TNN: variants seen among roughly 807,000 people sequenced by gnomAD.
TNN encodes tenascin-N.
A neutral mutation model predicts 134.4 loss-of-function variants in TNN; 122 were observed. The observed-to-expected ratio is 0.91, with a 90% confidence interval of 0.78 to 1.06. The LOEUF (loss-of-function observed/expected upper bound fraction) is 1.06, where lower values mean the gene tolerates loss of function less well. TNN is among the 50% of genes least tolerant of loss of function. TNN has a pLI of 0.00. For missense variants in TNN, 1,739 were observed against 1,699.4 expected (o/e 1.02, Z -0.41); for synonymous variants, 710 against 670.3 (o/e 1.06, Z -0.91).
rs371404707 is a variant in TNN, at chr1:175,092,659, C to T, written c.1325-1331C>T. ...AGTCTTTGTTAGATAAGAATGAGTT[C>T]AAATCTTGGCTCTACCACTTAATGT... On this transcript the variant is annotated intron_variant, in intron 6 of 18. Coordinates refer to ENST00000239462, the MANE Select transcript of TNN (RefSeq NM_022093.2). 2.9e-4 allele frequency among the ~76,000 whole-genome samples: 44 copies of T among 152,262 alleles called. 1 individual carries two copies. Among genetic ancestry groups the T allele is most frequent in the African/African-American group, 1.1e-3 (44 of 41,548 alleles).
chr1:175,116,930 T>G lies in TNN; in HGVS notation c.2120-9T>G. On this transcript the variant is annotated splice_polypyrimidine_tract_variant and intron_variant, in intron 9 of 18. Coordinates refer to ENST00000239462, the MANE Select transcript of TNN (RefSeq NM_022093.2). ...ATAGTGTTCATTGATCAGCAATTTTTTTTTTCAGACATTGACAGCCCCCAA... is the reference window on the plus strand; with the variant it reads ...ATAGTGTTCATTGATCAGCAATTTTGTTTTTCAGACATTGACAGCCCCCAA... 1.2e-6 allele frequency: 2 copies of G among 1,614,244 alleles called. No homozygotes were observed. The highest frequency in any genetic ancestry group is 8.5e-7 in the Non-Finnish European group (1 of 1,180,040).
intron 1 of TNN, among the ~76,000 whole-genome samples, chr1:175,074,495 A>G (rs113840189): frequency 3.4e-4 from 19 of 55,232 alleles, no homozygotes; most frequent in South Asian, 5.0e-4. Flanking sequence ...AAAAAAAAAA[A>G]AAAAAAAAAA....
At chr1:175,117,474 C>T (rs1187810527) in intron 10 of TNN, among the ~76,000 whole-genome samples, 4 of 152,102 alleles carry the variant, frequency 2.6e-5, no homozygotes, top group Non-Finnish European at 5.9e-5. Flanking sequence ...TTGCTGTAGA[C>T]AGTATCGAGG....
In TNN at chr1:175,123,436, TG is replaced by T; in HGVS notation, c.2688del (p.Thr897ArgfsTer44). 6.2e-7 allele frequency: 1 copy of T among 1,614,162 alleles called. No individual in the cohort carries two copies. Among genetic ancestry groups the T allele is most frequent in the Non-Finnish European group, 8.5e-7 (1 of 1,180,034 alleles). On this transcript the variant is annotated frameshift_variant, in exon 12 of 19. Coordinates refer to ENST00000239462, the MANE Select transcript of TNN (RefSeq NM_022093.2). LOFTEE classifies it high-confidence loss of function. ...DGPKNLVTDW[V>X]TENMATVSWD... is the part of the protein sequence containing the mutation. ...CCCAAAAACCTAGTGACTGACTGGG[TG>T]ACGGAGAATATGGCCACTGTCTCCT...
intron 12 of TNN, among the ~76,000 whole-genome samples, chr1:175,124,553 T>A (rs955204676): frequency 6.6e-6 from 1 of 151,966 alleles, no homozygotes; most frequent in Non-Finnish European, 1.5e-5. Context: ...TGGTGGCAGG[T>A]GCCTGTAATC....
intron 1 of TNN, among the ~76,000 whole-genome samples, chr1:175,068,863 G>A (rs1673856097): frequency 6.6e-6 from 1 of 152,146 alleles, no homozygotes; most frequent in South Asian, 2.1e-4. Flanking sequence ...AGCCGAGATT[G>A]AACCATTGCA....
rs746166017 is a variant in TNN, at chr1:175,077,700, G to T, written c.282G>T (p.Thr94=). ...IIFRHNIRLQ[T]PQKDCELAGS... ...TCAGGCACAACATCCGCCTTCAGAC[G>T]CCACAGAAGGACTGCGAGTTGGCAG... Residue 94 remains threonine (T), a synonymous_variant, in exon 2 of 19, where the codon ACG becomes ACT. Coordinates refer to ENST00000239462, the MANE Select transcript of TNN (RefSeq NM_022093.2). The T allele has an allele frequency of 6.2e-7, 1 of 1,614,218 alleles. No homozygotes were observed. Among genetic ancestry groups the T allele is most frequent in the Non-Finnish European group, 8.5e-7 (1 of 1,180,036 alleles).
chr1:175,108,995 A>G (rs1674943760), intron 9 of TNN, among the ~76,000 whole-genome samples: 1 of 150,462 alleles, frequency 6.6e-6, no homozygotes. Context: ...GAGGGCTCTG[A>G]GGACTGCCAG....
chr1:175,097,420 T>C lies in TNN; in HGVS notation c.1592T>C (p.Ile531Thr). The C allele has an allele frequency of 1.9e-6, 3 of 1,614,174 alleles. No individual in the cohort carries two copies. The highest frequency in any genetic ancestry group is 1.7e-5 in the Admixed American group (1 of 60,020). The change falls in exon 8 of 19, where the codon ATT (isoleucine) becomes ACT (threonine). Residue 531 changes from isoleucine (I) to threonine (T), a missense_variant. Transcript: ENST00000239462. ...KKADTNALTE[I>T]DSPANLVTDR... ...TTCTTTCATCTCTCTCTTAAAGAAA[T>C]TGACAGCCCAGCAAACCTGGTGACT...
In TNN at chr1:175,141,413, A is replaced by C. The variant is rs916293173; in HGVS notation, c.3596-2974A>C. On this transcript the variant is annotated intron_variant, in intron 17 of 18. Coordinates refer to ENST00000239462, the MANE Select transcript of TNN (RefSeq NM_022093.2). ...GGATCCCAACCTGGGGGCATTTGGA[A>C]ATGTGACTGGGGAGCTCTGGAAGCA... is the stretch of plus-strand genomic sequence containing the variant. 7.9e-5 allele frequency among the ~76,000 whole-genome samples: 12 copies of C among 152,224 alleles called. 2 individuals carry two copies. Among genetic ancestry groups the C allele is most frequent in the Non-Finnish European group, 1.5e-5 (1 of 68,004 alleles).
rs1469668584 is a variant in TNN, at chr1:175,106,802, A to G, written c.2119+8207A>G. ...AACCCACGGCTCAGCCCAGAAGTAC[A>G]GGAAAAGCGGAAGCTGGTTCTAGGC... On this transcript the variant is annotated intron_variant, in intron 9 of 18. Transcript: ENST00000239462. Among the ~76,000 whole-genome samples the G allele has an allele frequency of 3.4e-5, 5 of 145,684 alleles. 2 individuals carry two copies. Among genetic ancestry groups the G allele is most frequent in the Non-Finnish European group, 6.1e-5 (4 of 65,722 alleles).
Position 175,118,662 on chromosome 1 carries a change from C to T in TNN, c.2488C>T (p.His830Tyr), listed in dbSNP as rs761576011. 1 of 1,614,228 alleles carries T rather than the reference C, an allele frequency of 6.2e-7. No homozygotes were observed. Among genetic ancestry groups the T allele is most frequent in the Non-Finnish European group, 8.5e-7 (1 of 1,180,046 alleles). The stretch of plus-strand genomic sequence containing the variant: ...GGCCACCATTGACAGGTATGTGGTG[C>T]ACTACACGTCTGCCAACGGAGAGAC... ...VQATIDRYVVHYTSANGETRE... is the reference protein window; with the variant it reads ...VQATIDRYVVYYTSANGETRE... The change falls in exon 11 of 19, where the codon CAC becomes TAC. Residue 830 changes from histidine (H) to tyrosine (Y), a missense_variant. His to Tyr is a moderately conservative substitution (Grantham distance 83, BLOSUM62 2). Coordinates refer to ENST00000239462, the MANE Select transcript of TNN (RefSeq NM_022093.2).
intron 15 of TNN, among the ~76,000 whole-genome samples, chr1:175,133,073 G>T (rs971842909): frequency 2.0e-5 from 3 of 152,230 alleles, no homozygotes; most frequent in African/African-American, 7.2e-5. Context: ...AGAGAGAAAT[G>T]CAATTCTAGC....
Position 175,120,529 on chromosome 1 carries a change from T to C in TNN, c.2650+1705T>C, listed in dbSNP as rs571567552. On this transcript the variant is annotated intron_variant, in intron 11 of 18. Coordinates refer to ENST00000239462, the MANE Select transcript of TNN (RefSeq NM_022093.2). ...TTCTTCTGTGATTGTTGCTTAGTCA[T>C]CCCTAGCAATTTGCCCTCCTTTACC... is the stretch of plus-strand genomic sequence containing the variant. Among the ~76,000 whole-genome samples the C allele has an allele frequency of 3.0e-4, 46 of 152,306 alleles. No individual in the cohort carries two copies. In the South Asian group the frequency reaches 8.9e-3, roughly 29 times the overall value.
intron 6 of TNN, among the ~76,000 whole-genome samples, chr1:175,090,554 G>A (rs1306409355): frequency 6.6e-6 from 1 of 152,134 alleles, no homozygotes; most frequent in East Asian, 1.9e-4. Context: ...AATTGTGAGT[G>A]GAGAAACCTG....
rs2149432715 is a variant in TNN, at chr1:175,097,404, C to G, written c.1589-13C>G. 6.2e-7 allele frequency: 1 copy of G among 1,613,850 alleles called. No individual in the cohort carries two copies. ...GGTAAAGGCTACATTCTTCTTTCAT[C>G]TCTCTCTTAAAGAAATTGACAGCCC... On this transcript the variant is annotated splice_polypyrimidine_tract_variant and intron_variant, in intron 7 of 18. Coordinates refer to ENST00000239462, the MANE Select transcript of TNN (RefSeq NM_022093.2).
At chr1:175,115,436 C>T (rs762388464) in intron 9 of TNN, among the ~76,000 whole-genome samples, 7 of 152,226 alleles carry the variant, frequency 4.6e-5, no homozygotes, top group African/African-American at 7.2e-5. Flanking sequence ...TGATTCTCCA[C>T]GAAAGAGCGT....
At chr1:175,077,327 A>T in intron 1 of TNN, 57 bp from the exon 2 acceptor site, 1 of 1,368,926 alleles carries the variant, frequency 7.3e-7, no homozygotes, top group Non-Finnish European at 9.9e-7. Context: ...GTAAAAAAAA[A>T]GCCAGCTTCC....
chr1:175,087,379 C>T (rs934847382), intron 6 of TNN, among the ~76,000 whole-genome samples: 28 of 152,268 alleles, frequency 1.8e-4, no homozygotes, highest in Admixed American at 1.6e-3. Context: ...ATAAGGTGAA[C>T]GTGGAGTAGC....
Sources: gnomAD v4.1 joint callset for allele counts (sites outside exome capture counted in the v4.1 genomes callset) on GRCh38, gnomAD v4.1.1 for gene constraint, MANE v1.5 for transcripts, NCBI Gene and HGNC (gene_info 2026-07-23, HGNC 2026-07-21) for gene names.